Variants in ZHX2 observed in about 807,000 individuals in gnomAD.
ZHX2 encodes zinc fingers and homeoboxes 2.
In ZHX2, 6 loss-of-function variants were observed where a neutral mutation model predicts 21.9. The observed-to-expected ratio is 0.27, with a 90% confidence interval of 0.15 to 0.54. The LOEUF (loss-of-function observed/expected upper bound fraction) is 0.54, where lower values mean the gene tolerates loss of function less well. Ranked by LOEUF, ZHX2 falls within the 20% of genes least tolerant of loss-of-function variation. The probability of loss-of-function intolerance (pLI) is 0.95; values close to 1 mark genes in which losing one functional copy is unlikely to be tolerated. For missense variants in ZHX2, 908 were observed against 1,090.7 expected (o/e 0.83, Z 2.36); for synonymous variants, 434 against 437.1 (o/e 0.99, Z 0.09).
chr8:122,962,842 A>G (rs1314320758), intron 3 of ZHX2, among the ~76,000 whole-genome samples: 1 of 152,104 alleles, frequency 6.6e-6, no homozygotes, highest in African/African-American at 2.4e-5. Flanking sequence ...GTAGTATTGC[A>G]TTATGATTTT....
intron 3 of ZHX2, among the ~76,000 whole-genome samples, chr8:122,960,949 T>G (rs1813427977): frequency 6.6e-6 from 1 of 152,104 alleles, no homozygotes; most frequent in Non-Finnish European, 1.5e-5. Flanking sequence ...TAGTGGAAAA[T>G]GGAGGCTGGA....
At chr8:122,786,559 A>G (rs948945853) in intron 1 of ZHX2, among the ~76,000 whole-genome samples, 3 of 152,348 alleles carry the variant, frequency 2.0e-5, no homozygotes, top group Admixed American at 1.3e-4. Context: ...CACACCTCAC[A>G]TGTGAACTGT....
chr8:122,953,171 C>G lies in ZHX2; in HGVS notation c.1661C>G (p.Pro554Arg), dbSNP rs768867109. 1 of 1,613,636 alleles carries G rather than the reference C, an allele frequency of 6.2e-7. No homozygotes were observed. ...LEDSFLKSSF[P>R]TQAELDRLRV... ...GACAGCTTTTTGAAAAGTTCTTTTCCTACCCAAGCAGAACTGGATCGGCTA... is the reference window on the plus strand; with the variant it reads ...GACAGCTTTTTGAAAAGTTCTTTTCGTACCCAAGCAGAACTGGATCGGCTA... The change falls in exon 3 of 4, where the codon CCT becomes CGT. Residue 554 changes from proline (P) to arginine (R), a missense_variant. This residue lies in a region of ZHX2 where 431 missense variants were observed against 428.6 expected (regional missense o/e 1.01). Coordinates refer to ENST00000314393, the MANE Select transcript of ZHX2 (RefSeq NM_014943.5). The surrounding 1 kb of genome is among the most constrained non-coding windows in gnomAD (Gnocchi z 4.6).
intron 1 of ZHX2, among the ~76,000 whole-genome samples, chr8:122,853,829 C>T (rs909126712): frequency 6.6e-6 from 1 of 152,164 alleles, no homozygotes; most frequent in Non-Finnish European, 1.5e-5. Context: ...AACAAAGTTA[C>T]AGACACCTAA....
At chr8:122,874,453 C>A (rs1296381840) in intron 2 of ZHX2, among the ~76,000 whole-genome samples, 1 of 152,196 alleles carries the variant, frequency 6.6e-6, no homozygotes, top group East Asian at 1.9e-4. Context: ...CCTGCCTCAG[C>A]TTCCTGAGTA....
chr8:122,792,116 AG>A (rs1817529339), intron 1 of ZHX2, among the ~76,000 whole-genome samples: 1 of 152,176 alleles, frequency 6.6e-6, no homozygotes, highest in South Asian at 2.1e-4. Flanking sequence ...ACCCATTAGC[AG>A]TTACTCTCCA....
At chr8:122,961,139 C>T (rs1563608606) in intron 3 of ZHX2, among the ~76,000 whole-genome samples, 1 of 152,238 alleles carries the variant, frequency 6.6e-6, no homozygotes, top group Admixed American at 6.5e-5. Context: ...AAGCTCAGGA[C>T]ACCAGCAGGG....
At chr8:122,832,183 C>T (rs1463276744) in intron 1 of ZHX2, among the ~76,000 whole-genome samples, 1 of 152,124 alleles carries the variant, frequency 6.6e-6, no homozygotes, top group African/African-American at 2.4e-5. Flanking sequence ...GATGGTTAGA[C>T]GGTGATGTGG....
At chr8:122,955,249 TG>T (rs146471985) in intron 3 of ZHX2, among the ~76,000 whole-genome samples, 62,864 of 142,746 alleles carry the variant, frequency 0.44, 13,896 homozygotes, top group Middle Eastern at 0.58. Context: ...GGGGGAGGGC[TG>T]GTGGGAGGGA....
chr8:122,970,434 T>C (rs1813691598), intron 3 of ZHX2, among the ~76,000 whole-genome samples: 1 of 152,184 alleles, frequency 6.6e-6, no homozygotes, highest in African/African-American at 2.4e-5. Flanking sequence ...GCACCCTGTC[T>C]GTAACCCTGC....
rs777802861 is a variant in ZHX2 at position 122,973,655 on chromosome 8, TC to T, written c.*419del. 6.5e-6 allele frequency: 1 copy of T among 152,682 alleles called. No homozygotes were observed. The highest frequency in any genetic ancestry group is 2.4e-5 in the African/African-American group (1 of 41,456). The allele number at this position is 152,682 out of a possible 1,614,324, so 9.5% of individuals were successfully genotyped here. ...ACCTTGCTTTTCTCTTTTCTCTTTTTCTTTTTTTTATTTTTGTTTTATTAAT... is the reference window on the plus strand; with the variant it reads ...ACCTTGCTTTTCTCTTTTCTCTTTTTTTTTTTTTATTTTTGTTTTATTAAT... On this transcript the variant is annotated 3_prime_UTR_variant, in exon 4 of 4. Transcript: ENST00000314393.
At chr8:122,962,461 C>A (rs1199910787) in intron 3 of ZHX2, among the ~76,000 whole-genome samples, 1 of 152,166 alleles carries the variant, frequency 6.6e-6, no homozygotes, top group East Asian at 1.9e-4. Flanking sequence ...TATTTCATTC[C>A]TTTTTATGGC....
chr8:122,806,588 A>C (rs989734538), intron 1 of ZHX2, among the ~76,000 whole-genome samples: 9 of 152,210 alleles, frequency 5.9e-5, no homozygotes, highest in Admixed American at 5.2e-4. Context: ...GTACAGGGTT[A>C]AGCAAAGCCA....
chr8:122,818,829 G>T (rs1167015234), intron 1 of ZHX2, among the ~76,000 whole-genome samples: 1 of 152,178 alleles, frequency 6.6e-6, no homozygotes, highest in Non-Finnish European at 1.5e-5. Context: ...TTTGTCACAG[G>T]CAAACCAGTA....
At chr8:122,888,608 G>A (rs371811826) in intron 2 of ZHX2, among the ~76,000 whole-genome samples, 1 of 152,080 alleles carries the variant, frequency 6.6e-6, no homozygotes, top group Admixed American at 6.5e-5. Context: ...TCAGTCTCCT[G>A]AGTAGCTGGG....
intron 1 of ZHX2, among the ~76,000 whole-genome samples, chr8:122,856,781 G>A (rs999989366): frequency 1.4e-4 from 21 of 152,082 alleles, no homozygotes; most frequent in African/African-American, 4.6e-4. Context: ...ATTGCTGGGG[G>A]ATCTGAAAGG....
At chr8:122,909,076 A>G (rs1409336943) in intron 2 of ZHX2, among the ~76,000 whole-genome samples, 11 of 152,198 alleles carry the variant, frequency 7.2e-5, no homozygotes, top group Admixed American at 7.2e-4. Flanking sequence ...ACTCAAACAC[A>G]TGGTGGCTTA....
intron 1 of ZHX2, among the ~76,000 whole-genome samples, chr8:122,850,176 T>A (rs182599947): frequency 1.1e-3 from 167 of 152,238 alleles, no homozygotes; most frequent in Admixed American, 3.8e-3. Flanking sequence ...CCAAAATAGA[T>A]CTCCAACCCA....
At chr8:122,965,519 A>G (rs920434848) in intron 3 of ZHX2, among the ~76,000 whole-genome samples, 2 of 152,090 alleles carry the variant, frequency 1.3e-5, no homozygotes, top group African/African-American at 4.8e-5. Flanking sequence ...AGAGTACTTG[A>G]TATAATTTCA....
Sources: gnomAD v4.1 joint callset for allele counts (sites outside exome capture counted in the v4.1 genomes callset) on GRCh38, gnomAD v4.1.1 for gene constraint, gnomAD v4.1.1 regional missense constraint, Gnocchi (gnomAD v3.1) non-coding constraint, MANE v1.5 for transcripts, NCBI Gene and HGNC (gene_info 2026-07-23, HGNC 2026-07-21) for gene names.